ZNF444: variants seen among roughly 807,000 people sequenced by gnomAD.
ZNF444 encodes the protein endothelial zinc finger protein 2.
In ZNF444, 8 loss-of-function variants were observed where a neutral mutation model predicts 14.4. That is an observed-to-expected ratio of 0.56 (90% CI 0.33 to 1.00). The LOEUF is 1.00. Ranked by LOEUF, ZNF444 falls within the 50% of genes least tolerant of loss-of-function variation. The pLI is 0.03. For missense variants in ZNF444, 510 were observed against 504.8 expected (o/e 1.01, Z -0.10); for synonymous variants, 258 against 235.9 (o/e 1.09, Z -0.86).
chr19:56,148,235 C>T (rs114379931), intron 3 of ZNF444, among the ~76,000 whole-genome samples: 1 of 152,148 alleles, frequency 6.6e-6, no homozygotes, highest in Non-Finnish European at 1.5e-5. Flanking sequence ...GCAGAGACCT[C>T]TGAGAAGAGT....
chr19:56,153,458 C>A (rs949142527), intron 3 of ZNF444, among the ~76,000 whole-genome samples: 2 of 152,206 alleles, frequency 1.3e-5, no homozygotes, highest in Admixed American at 6.5e-5. Context: ...CCAGCCTCCT[C>A]TTCTCCTGCT....
Position 56,144,715 on chromosome 19 carries a change from C to T in ZNF444, c.-196-1532C>T, listed in dbSNP as rs925113661. ...AAGCAGATTATGTGCCCACCCTCTGCCTTGTGGTCAAGGGGACTTTGCTAT... is the reference window on the plus strand; with the variant it reads ...AAGCAGATTATGTGCCCACCCTCTGTCTTGTGGTCAAGGGGACTTTGCTAT... On this transcript the variant is annotated intron_variant, in intron 1 of 4. Transcript: ENST00000337080. This position sits in a 1 kb window ranked among gnomAD's most constrained non-coding sequence, Gnocchi z 4.0. 6.6e-6 allele frequency among the ~76,000 whole-genome samples: 1 copy of T among 151,512 alleles called. No homozygotes were observed. The highest frequency in any genetic ancestry group is 1.5e-5 in the Non-Finnish European group (1 of 68,016).
intron 3 of ZNF444, among the ~76,000 whole-genome samples, chr19:56,153,257 C>T (rs534959465): frequency 1.9e-4 from 29 of 152,276 alleles, no homozygotes; most frequent in Admixed American, 2.0e-4. Flanking sequence ...TTCTTGGCTA[C>T]GTTGGCCTTG....
At chr19:56,141,787 T>C (rs1358493522) in intron 1 of ZNF444, 1 of 151,544 alleles carries the variant, frequency 6.6e-6, no homozygotes, top group African/African-American at 2.4e-5. Flanking sequence ...CCGGACCCCT[T>C]CGGAAAGGTT....
Position 56,136,214 on chromosome 19 carries a change from G to A in ZNF444, c.-197+3436G>A, listed in dbSNP as rs537191734. The stretch of plus-strand genomic sequence containing the variant: ...TGACCTCCATTCAAGTGAAGACGCC[G>A]ATGAGCTGAGATCCCCAGGCTCTCT... On this transcript the variant is annotated intron_variant, in intron 1 of 2. Coordinates refer to the ZNF444 transcript ENST00000587467. Among the ~76,000 whole-genome samples the A allele has an allele frequency of 2.6e-5, 4 of 151,596 alleles. No individual in the cohort carries two copies. In the South Asian group the frequency reaches 6.3e-4, roughly 24 times the overall value.
chr19:56,160,427 C>A lies in ZNF444; in HGVS notation c.*226C>A. 1 of 478,938 alleles carries A rather than the reference C, an allele frequency of 2.1e-6. No homozygotes were observed. Among genetic ancestry groups the A allele is most frequent in the Non-Finnish European group, 3.6e-6 (1 of 274,316 alleles). 29.7% of individuals were successfully genotyped at this position (478,938 alleles called of 1,614,324 possible). A position where few individuals can be genotyped will look rare whatever the true frequency, so the allele number is the denominator to read the frequency against. On this transcript the variant is annotated 3_prime_UTR_variant, in exon 5 of 5. Coordinates refer to ENST00000337080, the MANE Select transcript of ZNF444 (RefSeq NM_018337.4). Reference sequence around the variant, plus strand: ...GTCTCACCTCAGCCCCCCCCTTCTCCCTGATTTCTCGGCCTCTCTCTCTGT... The same window carrying A: ...GTCTCACCTCAGCCCCCCCCTTCTCACTGATTTCTCGGCCTCTCTCTCTGT...
intron 3 of ZNF444, chr19:56,150,099 C>G (rs141788481): frequency 6.0e-6 from 1 of 165,384 alleles, no homozygotes; most frequent in Non-Finnish European, 1.4e-5. Flanking sequence ...CTGTGAGCCT[C>G]GGGGTTTCGC....
intron 1 of ZNF444, among the ~76,000 whole-genome samples, chr19:56,133,768 G>A (rs890085773): frequency 2.7e-5 from 4 of 148,042 alleles, no homozygotes; most frequent in Non-Finnish European, 5.9e-5. Flanking sequence ...AGCCAAGATC[G>A]CGCCACTGCA....
Position 56,159,608 on chromosome 19 carries a change from C to T in ZNF444, c.407-16C>T, listed in dbSNP as rs1362097732. ...CCTCGTGCCGACCCAGATGCTGACT[C>T]TCTTTCTTTTCCCAGCAGGCACCGC... On this transcript the variant is annotated splice_polypyrimidine_tract_variant and intron_variant, in intron 4 of 4. Transcript: ENST00000337080. The T allele has an allele frequency of 2.1e-6, 3 of 1,426,366 alleles. No homozygotes were observed. Among genetic ancestry groups the T allele is most frequent in the South Asian group, 1.5e-5 (1 of 67,220 alleles). 88.4% of individuals were successfully genotyped at this position (1,426,366 alleles called of 1,614,324 possible). A position where few individuals can be genotyped will look rare whatever the true frequency, so the allele number is the denominator to read the frequency against.
At position 56,159,924 on chromosome 19, in the gene ZNF444, C is replaced by G; in HGVS notation, c.707C>G (p.Pro236Arg). The change falls in exon 5 of 5, where the codon CCC becomes CGC. Residue 236 changes from proline (P) to arginine (R), a missense_variant. Coordinates refer to ENST00000337080, the MANE Select transcript of ZNF444 (RefSeq NM_018337.4). ...ACGCACCCCGGCAGCCCCGGCAGCC[C>G]CGGGCCCGCGCTGCGCCCTCTGCCC... ...RDTHPGSPGS[P>R]GPALRPLPAR... 1.3e-6 allele frequency: 2 copies of G among 1,500,372 alleles called. No individual in the cohort carries two copies. Among genetic ancestry groups the G allele is most frequent in the Non-Finnish European group, 1.8e-6 (2 of 1,131,562 alleles). 92.9% of individuals were successfully genotyped at this position (1,500,372 alleles called of 1,614,324 possible). A position where few individuals can be genotyped will look rare whatever the true frequency, so the allele number is the denominator to read the frequency against.
chr19:56,159,680 C>T lies in ZNF444; in HGVS notation c.463C>T (p.Pro155Ser). ...GCCTGGGGACTCCCAGGCTGTGCGC[C>T]CCTACAAGCAGGAGCCCAGCAGCCC... ...PAPGDSQAVR[P>S]YKQEPSSPPL... The change falls in exon 5 of 5, where the codon CCC becomes TCC. Residue 155 changes from proline (P) to serine (S), a missense_variant. Transcript: ENST00000337080. The T allele has an allele frequency of 6.6e-7, 1 of 1,526,356 alleles. No individual in the cohort carries two copies. Among genetic ancestry groups the T allele is most frequent in the Non-Finnish European group, 8.8e-7 (1 of 1,141,310 alleles). 94.6% of individuals were successfully genotyped at this position (1,526,356 alleles called of 1,614,324 possible). A position where few individuals can be genotyped will look rare whatever the true frequency, so the allele number is the denominator to read the frequency against.
chr19:56,150,743 C>T (rs1378238043), intron 3 of ZNF444, among the ~76,000 whole-genome samples: 4 of 151,676 alleles, frequency 2.6e-5, no homozygotes, highest in African/African-American at 4.9e-5. Flanking sequence ...CATCTGGGGG[C>T]GCTGCTGTGG....
At position 56,159,354 on chromosome 19, in the gene ZNF444, A is replaced by G. The variant is rs1339535179; in HGVS notation, c.407-270A>G. 2.0e-5 allele frequency among the ~76,000 whole-genome samples: 3 copies of G among 151,802 alleles called. No homozygotes were observed. In the South Asian group the frequency reaches 6.2e-4, roughly 32 times the overall value. The stretch of plus-strand genomic sequence containing the variant: ...ATCATCGGTCCATTCATCACCCATC[A>G]TCCACCCACGCATTCTTCATCTACC... On this transcript the variant is annotated intron_variant, in intron 4 of 4. Coordinates refer to ENST00000337080, the MANE Select transcript of ZNF444 (RefSeq NM_018337.4).
At chr19:56,139,841 G>C (rs575709688), upstream of ZNF444, among the ~76,000 whole-genome samples, 52 of 152,300 alleles carry the variant, frequency 3.4e-4, no homozygotes, top group African/African-American at 1.0e-3. Flanking sequence ...TTCGCAAGGT[G>C]GGGGAGAGAG....
intron 3 of ZNF444, among the ~76,000 whole-genome samples, chr19:56,149,101 C>T: frequency 7.4e-6 from 1 of 135,480 alleles, no homozygotes. Flanking sequence ...GCTTCCATCC[C>T]CCATCACTCC....
At chr19:56,158,836 C>A (rs1329085417) in intron 4 of ZNF444, among the ~76,000 whole-genome samples, 2 of 151,854 alleles carry the variant, frequency 1.3e-5, no homozygotes. Flanking sequence ...CATCCACCCT[C>A]CACCTATCCA....
In ZNF444 at chr19:56,159,610, C is replaced by T; in HGVS notation, c.407-14C>T. On this transcript the variant is annotated splice_polypyrimidine_tract_variant and intron_variant, in intron 4 of 4. Transcript: ENST00000337080. ...TCGTGCCGACCCAGATGCTGACTCT[C>T]TTTCTTTTCCCAGCAGGCACCGCCC... is the stretch of plus-strand genomic sequence containing the variant. 2 of 1,426,748 alleles carry T rather than the reference C, an allele frequency of 1.4e-6. No homozygotes were observed. Among genetic ancestry groups the T allele is most frequent in the South Asian group, 3.0e-5 (2 of 67,328 alleles). The allele number at this position is 1,426,748 out of a possible 1,614,324, so 88.4% of individuals were successfully genotyped here.
upstream of ZNF444, among the ~76,000 whole-genome samples, chr19:56,136,579 T>C (rs142149708): frequency 1.5e-3 from 236 of 152,290 alleles, 1 homozygote; most frequent in African/African-American, 5.5e-3. Context: ...CCCTGCCAGG[T>C]AGCCTTCCGA....
In ZNF444 at chr19:56,160,245, C is replaced by T. The variant is rs776867150; in HGVS notation, c.*44C>T. On this transcript the variant is annotated 3_prime_UTR_variant, in exon 5 of 5. Transcript: ENST00000337080. ...CATCTCCCGCCCTTGGTGCTGCCCCCGGGCGGTACCTGCTCTCTCCCAGCG... is the reference window on the plus strand; with the variant it reads ...CATCTCCCGCCCTTGGTGCTGCCCCTGGGCGGTACCTGCTCTCTCCCAGCG... 23 of 1,372,026 alleles carry T rather than the reference C, an allele frequency of 1.7e-5. No homozygotes were observed. In the South Asian group the frequency reaches 3.2e-4, roughly 19 times the overall value. The allele number at this position is 1,372,026 out of a possible 1,614,324, so 85.0% of individuals were successfully genotyped here.
Sources: allele counts gnomAD v4.1 joint callset (sites outside exome capture counted in the v4.1 genomes callset), GRCh38; gene constraint gnomAD v4.1.1; non-coding constraint Gnocchi (gnomAD v3.1); transcripts MANE v1.5; gene names NCBI Gene and HGNC (gene_info 2026-07-23, HGNC 2026-07-21).